RAB38: variants seen among roughly 807,000 people sequenced by gnomAD.
RAB38 encodes the protein ras-related protein Rab-38.
A neutral mutation model predicts 18.4 loss-of-function variants in RAB38; 15 were observed. The observed-to-expected ratio is 0.82, with a 90% CI of 0.55 to 1.26. The LOEUF is 1.26. Ranked by LOEUF, RAB38 falls within the 50% of genes most tolerant of loss-of-function variation. The probability of loss-of-function intolerance (pLI) is 0.00; values close to 1 mark genes in which losing one functional copy is unlikely to be tolerated. For synonymous variants in RAB38, 101 were observed against 104.4 expected (o/e 0.97, Z 0.20); for missense variants, 294 against 267.4 (o/e 1.10, Z -0.69).
At chr11:88,009,467 T>G in the RAB38 span, among the ~76,000 whole-genome samples, 1 of 152,098 alleles carries the variant, frequency 6.6e-6, no homozygotes, top group East Asian at 1.9e-4. Context: ...TGGGGAGAAG[T>G]TTCAGGGTAA....
intron 2 of RAB38, among the ~76,000 whole-genome samples, chr11:88,139,177 T>C (rs1041690262): frequency 2.0e-5 from 3 of 152,182 alleles, no homozygotes; most frequent in African/African-American, 7.2e-5. Context: ...AACATGTTCT[T>C]GATTAGATAT....
the RAB38 span, among the ~76,000 whole-genome samples, chr11:87,893,290 G>GTA: frequency 7.2e-6 from 1 of 139,816 alleles, no homozygotes; most frequent in East Asian, 2.1e-4. Context: ...CAGATTTTGT[G>GTA]TGTGTGTGTG....
chr11:87,855,500 G>C, the RAB38 span, among the ~76,000 whole-genome samples: 1 of 152,122 alleles, frequency 6.6e-6, no homozygotes, highest in Non-Finnish European at 1.5e-5. Context: ...CATTATATTG[G>C]AAGTTTTATT....
chr11:88,053,128 TTATATATACAATATATATGGAATATA>T, the RAB38 span, among the ~76,000 whole-genome samples: 1 of 51,612 alleles, frequency 1.9e-5, no homozygotes, highest in African/African-American at 5.7e-5. Flanking sequence ...AATATATATA[TTATATATACAATATATATGGAATATA>T]TATATACACA....
intron 1 of RAB38, among the ~76,000 whole-genome samples, chr11:88,154,409 G>A (rs1162549872): frequency 6.6e-6 from 1 of 152,198 alleles, no homozygotes; most frequent in African/African-American, 2.4e-5. Flanking sequence ...TGGGACAGGA[G>A]GAGGGCTGAT....
intron 2 of RAB38, among the ~76,000 whole-genome samples, chr11:88,146,929 G>C (rs1380963835): frequency 6.6e-6 from 1 of 152,182 alleles, no homozygotes; most frequent in East Asian, 1.9e-4. Context: ...GGATTTGGAG[G>C]ATTAGAAATC....
chr11:87,919,327 T>G, the RAB38 span, among the ~76,000 whole-genome samples: 1 of 152,116 alleles, frequency 6.6e-6, no homozygotes, highest in East Asian at 1.9e-4. Flanking sequence ...CATGTTAAAT[T>G]TTATTGAATT....
chr11:87,976,685 A>C, the RAB38 span, among the ~76,000 whole-genome samples: 1 of 122,728 alleles, frequency 8.1e-6, no homozygotes, highest in East Asian at 2.4e-4. Context: ...ATATATTTAT[A>C]TATTTACAAT....
chr11:87,882,011 T>C, the RAB38 span, among the ~76,000 whole-genome samples: 1 of 151,796 alleles, frequency 6.6e-6, no homozygotes, highest in Non-Finnish European at 1.5e-5. Context: ...GCCACTCTAA[T>C]CTCCCCCCTT....
chr11:88,016,610 AG>A, the RAB38 span, among the ~76,000 whole-genome samples: 1 of 152,060 alleles, frequency 6.6e-6, no homozygotes, highest in African/African-American at 2.4e-5. Context: ...AGATGCCACA[AG>A]GGGGAGCACT....
At chr11:87,940,132 A>C in the RAB38 span, among the ~76,000 whole-genome samples, 16 of 151,004 alleles carry the variant, frequency 1.1e-4, no homozygotes, top group Non-Finnish European at 2.1e-4. Flanking sequence ...AAAATGTAAC[A>C]GGAAAGAAAG....
chr11:87,971,821 T>C, the RAB38 span, among the ~76,000 whole-genome samples: 11 of 152,134 alleles, frequency 7.2e-5, no homozygotes, highest in Non-Finnish European at 1.3e-4. Context: ...ACTTTCACTC[T>C]ACTCTAAAAC....
the RAB38 span, among the ~76,000 whole-genome samples, chr11:87,876,593 TTGG>T: frequency 4.0e-5 from 6 of 151,636 alleles, no homozygotes; most frequent in South Asian, 8.3e-4. Context: ...GACTTTGGAG[TTGG>T]TGGGAGCCTA....
At chr11:87,848,092 A>G in the RAB38 span, among the ~76,000 whole-genome samples, 1 of 152,102 alleles carries the variant, frequency 6.6e-6, no homozygotes, top group East Asian at 1.9e-4. Flanking sequence ...TCTCATTTAC[A>G]CCTACCTCTA....
the RAB38 span, among the ~76,000 whole-genome samples, chr11:87,806,853 A>T: frequency 4.6e-5 from 7 of 152,298 alleles, no homozygotes; most frequent in Admixed American, 6.5e-5. Flanking sequence ...TAGTCCTGAA[A>T]TCTTACAAGG....
the RAB38 span, among the ~76,000 whole-genome samples, chr11:88,057,046 C>G: frequency 1.3e-5 from 2 of 152,120 alleles, no homozygotes; most frequent in East Asian, 3.9e-4. Context: ...CTGATCCCTT[C>G]CTTCATCCAG....
the RAB38 span, among the ~76,000 whole-genome samples, chr11:88,075,553 C>T: frequency 6.6e-6 from 1 of 152,060 alleles, no homozygotes; most frequent in Non-Finnish European, 1.5e-5. Context: ...CTAAGAGGGA[C>T]ATTTATAGCA....
chr11:88,045,526 C>A, the RAB38 span, among the ~76,000 whole-genome samples: 1 of 152,216 alleles, frequency 6.6e-6, no homozygotes, highest in Admixed American at 6.5e-5. Context: ...TCCTCCTAAG[C>A]CATGTCCCAT....
At chr11:88,070,089 T>C in the RAB38 span, among the ~76,000 whole-genome samples, 96,713 of 151,948 alleles carry the variant, frequency 0.64, 31,188 homozygotes, top group African/African-American at 0.72. Flanking sequence ...TTTGTTCTTT[T>C]GCTCTTTGCA....
Sources: gnomAD v4.1 joint callset for allele counts (sites outside exome capture counted in the v4.1 genomes callset) on GRCh38, gnomAD v4.1.1 for gene constraint, MANE v1.5 for transcripts, NCBI Gene and HGNC (gene_info 2026-07-23, HGNC 2026-07-21) for gene names.